Variants in FAM131B observed in about 807,000 individuals in gnomAD.
The protein encoded by FAM131B is family with sequence similarity 131 member B.
A neutral mutation model predicts 42.0 loss-of-function variants in FAM131B; 19 were observed. The ratio of observed to expected loss-of-function variants is 0.45; its 90% confidence interval spans 0.32 to 0.66. FAM131B has a LOEUF of 0.66. Among genes scored for constraint, FAM131B ranks in the 30% least tolerant of loss-of-function variants. The probability of loss-of-function intolerance (pLI) is 0.05; values close to 1 mark genes in which losing one functional copy is unlikely to be tolerated. For synonymous variants in FAM131B, 183 were observed against 177.6 expected (o/e 1.03, Z -0.24); for missense variants, 370 against 468.4 (o/e 0.79, Z 1.94).
At chr7:143,375,978 T>A in the FAM131B span, among the ~76,000 whole-genome samples, 1 of 152,198 alleles carries the variant, frequency 6.6e-6, no homozygotes, top group Non-Finnish European at 1.5e-5. Context: ...TCTGCCTCGC[T>A]CTGCCCCTTC....
At position 143,359,704 on chromosome 7, in the gene FAM131B, G is replaced by A. The variant is rs751542540; in HGVS notation, c.174+28C>T. ...ATGAGGAGGAGGAGTTCGGGAGGATGGGGAGGTCTGGGGGCAGCTGCACTC... is the reference window on the plus strand; with the variant it reads ...ATGAGGAGGAGGAGTTCGGGAGGATAGGGAGGTCTGGGGGCAGCTGCACTC... On this transcript the variant is annotated intron_variant, in intron 3 of 6. Coordinates refer to ENST00000443739, the MANE Select transcript of FAM131B (RefSeq NM_001031690.3). This position sits in a 1 kb window ranked among gnomAD's most constrained non-coding sequence, Gnocchi z 5.4. The A allele has an allele frequency of 3.2e-6, 5 of 1,560,730 alleles. No individual in the cohort carries two copies. The highest frequency in any genetic ancestry group is 1.2e-5 in the South Asian group (1 of 84,752).
the FAM131B span, chr7:143,381,697 G>T: frequency 6.2e-7 from 1 of 1,606,518 alleles, no homozygotes. Flanking sequence ...TCCGGCCCGG[G>T]GACAGCGAGC....
intron 2 of FAM131B, 22 bp downstream of exon 2, chr7:143,360,018 G>A: frequency 6.4e-7 from 1 of 1,558,304 alleles, no homozygotes; most frequent in African/African-American, 1.4e-5. Context: ...CAGAGACTTG[G>A]GGTGGCTGAG....
the FAM131B span, among the ~76,000 whole-genome samples, chr7:143,371,656 A>T: frequency 6.7e-6 from 1 of 148,270 alleles, no homozygotes; most frequent in Non-Finnish European, 1.5e-5. Context: ...AAAAGAAAGG[A>T]GAGGTGGATA....
chr7:143,370,894 T>C, the FAM131B span, among the ~76,000 whole-genome samples: 1 of 152,176 alleles, frequency 6.6e-6, no homozygotes, highest in African/African-American at 2.4e-5. Flanking sequence ...TTGGGACTTC[T>C]TTCCAGTAAC....
chr7:143,381,270 GC>G, the FAM131B span: 4 of 1,048,820 alleles, frequency 3.8e-6, no homozygotes, highest in East Asian at 8.0e-5. Context: ...CTCTCTCCCC[GC>G]CCCCTCTCTT....
the FAM131B span, chr7:143,382,145 C>T: frequency 6.3e-5 from 63 of 994,300 alleles, no homozygotes; most frequent in Admixed American, 3.5e-4. Flanking sequence ...GCTCTGGGAC[C>T]CCTGAGAGAG....
Position 143,356,705 on chromosome 7 carries a change from G to C in FAM131B, c.928C>G (p.Pro310Ala). Residue 310 changes from proline (P) to alanine (A), a missense_variant, in exon 7 of 7, where the codon CCT becomes GCT. Pro to Ala is a conservative substitution (Grantham distance 27). Coordinates refer to ENST00000443739, the MANE Select transcript of FAM131B (RefSeq NM_001031690.3). The surrounding 1 kb of genome is among the most constrained non-coding windows in gnomAD (Gnocchi z 4.4). Reference sequence around the variant, plus strand: ...CATCCCGCATCCTCTTCCTCCTCAGGTGCCAATGGCCTCTTCTCCTCCTCA... The same window carrying C: ...CATCCCGCATCCTCTTCCTCCTCAGCTGCCAATGGCCTCTTCTCCTCCTCA... ...PAEEEKRPLA[P>A]EEEEDAGCRD... The C allele has an allele frequency of 6.2e-7, 1 of 1,614,068 alleles. No individual in the cohort carries two copies. Among genetic ancestry groups the C allele is most frequent in the Non-Finnish European group, 8.5e-7 (1 of 1,180,010 alleles).
At position 143,354,830 on chromosome 7, in the gene FAM131B, A is replaced by G. The variant is rs2116423690; in HGVS notation, c.*1720T>C. The G allele has an allele frequency of 6.6e-6, 1 of 152,420 alleles. No individual in the cohort carries two copies. The highest frequency in any genetic ancestry group is 1.5e-5 in the Non-Finnish European group (1 of 68,124). The allele number at this position is 152,420 out of a possible 1,614,324, so 9.4% of individuals were successfully genotyped here. On this transcript the variant is annotated 3_prime_UTR_variant, in exon 7 of 7. Transcript: ENST00000443739. ...TGCTTGCATCCCAGAAGTGTGAGTA[A>G]GAGAGTATGAACTTGATGGCGGGAC...
chr7:143,363,503 C>A (rs554098161), upstream of FAM131B, among the ~76,000 whole-genome samples: 1 of 152,274 alleles, frequency 6.6e-6, no homozygotes, highest in Non-Finnish European at 1.5e-5. Context: ...GAAAGCAAGG[C>A]GGTCCCGAAG....
In FAM131B at chr7:143,354,167, G is replaced by A. The variant is rs1803553504; in HGVS notation, c.*2383C>T. ...GAGTAGGAGCTCCTTGCAGAAGACA[G>A]ACCCCCACCTGACTTCCATCTGCAG... On this transcript the variant is annotated 3_prime_UTR_variant, in exon 7 of 7. Coordinates refer to ENST00000443739, the MANE Select transcript of FAM131B (RefSeq NM_001031690.3). 1.3e-5 allele frequency: 2 copies of A among 152,510 alleles called. No homozygotes were observed. The highest frequency in any genetic ancestry group is 2.1e-4 in the South Asian group (1 of 4,822). 9.4% of individuals were successfully genotyped at this position (152,510 alleles called of 1,614,324 possible). A position where few individuals can be genotyped will look rare whatever the true frequency, so the allele number is the denominator to read the frequency against.
chr7:143,360,173 G>A (rs373385372), intron 1 of FAM131B, 24 bp from the exon 2 acceptor site: 341 of 1,582,510 alleles, frequency 2.2e-4, no homozygotes, highest in South Asian at 2.9e-4. Context: ...AAGGTTAGCC[G>A]CCGGCCCTCA....
the FAM131B span, among the ~76,000 whole-genome samples, chr7:143,377,648 G>A: frequency 6.6e-6 from 1 of 152,100 alleles, no homozygotes; most frequent in Non-Finnish European, 1.5e-5. Context: ...GGATAATGAT[G>A]TATATTCCTC....
chr7:143,380,987 G>C, the FAM131B span: 1 of 270,238 alleles, frequency 3.7e-6, no homozygotes, highest in Non-Finnish European at 5.7e-6. The surrounding 1 kb of genome is among the most constrained non-coding windows in gnomAD (Gnocchi z 5.0). Flanking sequence ...GGAGGGGGAC[G>C]GTGAGTCAGA....
the FAM131B span, chr7:143,382,071 C>A: frequency 1.6e-6 from 1 of 624,412 alleles, no homozygotes. Context: ...CTCGGCAGTG[C>A]GCCCGGCCTT....
the FAM131B span, among the ~76,000 whole-genome samples, chr7:143,377,046 G>A: frequency 6.6e-6 from 1 of 152,188 alleles, no homozygotes; most frequent in African/African-American, 2.4e-5. Flanking sequence ...CTCGATCTCG[G>A]CTCACTGCAA....
chr7:143,381,258 C>T, the FAM131B span: 15 of 1,039,154 alleles, frequency 1.4e-5, no homozygotes, highest in South Asian at 5.5e-4. Flanking sequence ...GTCTGGGCGC[C>T]GCTCTCTCCC....
In FAM131B at chr7:143,354,675, G is replaced by C; in HGVS notation, c.*1875C>G. ...GCAAGCACAAGAGGACTCTTCCCCT[G>C]TACAGGCAGCATTCGGTTAGGTGAC... On this transcript the variant is annotated 3_prime_UTR_variant, in exon 7 of 7. Transcript: ENST00000443739. The C allele has an allele frequency of 6.6e-6, 1 of 152,220 alleles. No homozygotes were observed. Among genetic ancestry groups the C allele is most frequent in the East Asian group, 1.9e-4 (1 of 5,176 alleles). The allele number at this position is 152,220 out of a possible 1,614,324, so 9.4% of individuals were successfully genotyped here.
intron 5 of FAM131B, among the ~76,000 whole-genome samples, 164 bp from the exon 6 acceptor site, chr7:143,357,587 C>T (rs908186429): frequency 6.6e-6 from 1 of 152,096 alleles, no homozygotes; most frequent in African/African-American, 2.4e-5. Flanking sequence ...TAAAAAGAAA[C>T]AGGTTAAATC....
Sources: gnomAD v4.1 joint callset for allele counts (sites outside exome capture counted in the v4.1 genomes callset) on GRCh38, gnomAD v4.1.1 for gene constraint, Gnocchi (gnomAD v3.1) non-coding constraint, MANE v1.5 for transcripts, NCBI Gene and HGNC (gene_info 2026-07-23, HGNC 2026-07-21) for gene names.